The following CAMTA1 variants were observed in gnomAD, a reference collection of about 807,000 sequenced individuals.
The protein encoded by CAMTA1 is calmodulin binding transcription activator 1, also known as calmodulin-binding transcription activator 1.
A neutral mutation model predicts 170.9 loss-of-function variants in CAMTA1; 27 were observed. The ratio of observed to expected loss-of-function variants is 0.16; its 90% confidence interval spans 0.12 to 0.22. The LOEUF is 0.22. CAMTA1 is among the 10% of genes least tolerant of loss of function. The pLI, the probability that CAMTA1 is intolerant of heterozygous loss-of-function variation, is 1.00. For missense variants in CAMTA1, 1,619 were observed against 2,217.2 expected (o/e 0.73, Z 5.42); for synonymous variants, 833 against 891.5 (o/e 0.93, Z 1.17).
chr1:7,242,823 A>G (rs1054465090), intron 4 of CAMTA1, among the ~76,000 whole-genome samples: 4 of 151,084 alleles, frequency 2.6e-5, no homozygotes, highest in Admixed American at 2.0e-4. Context: ...TTAGCCGGGC[A>G]TGGTGGCGGG....
intron 5 of CAMTA1, among the ~76,000 whole-genome samples, chr1:7,265,788 T>C (rs1668832003): frequency 6.6e-6 from 1 of 152,238 alleles, no homozygotes. Flanking sequence ...GCCCTGGGCC[T>C]GCCCTAGACT....
At chr1:6,999,404 GAC>G (rs760638604) in intron 3 of CAMTA1, among the ~76,000 whole-genome samples, 51 of 152,162 alleles carry the variant, frequency 3.4e-4, no homozygotes, top group Non-Finnish European at 5.4e-4. Context: ...TTATTTATGA[GAC>G]AGAGTCTCAC....
rs190169487 is a variant in CAMTA1 at position 7,350,198 on chromosome 1, C to T, written c.438+100572C>T. Among the ~76,000 whole-genome samples the T allele has an allele frequency of 1.8e-3, 269 of 152,284 alleles. 1 individual carries two copies. Among genetic ancestry groups the T allele is most frequent in the Non-Finnish European group, 3.1e-3 (210 of 68,010 alleles). ...ATCCCAGCACCCATCCCCTGCCTCC[C>T]ACCTGTGTCCCCCACACTGAGCACC... On this transcript the variant is annotated intron_variant, in intron 5 of 22. Transcript: ENST00000303635.
chr1:7,372,721 C>T (rs2086569879), intron 5 of CAMTA1, among the ~76,000 whole-genome samples: 2 of 152,188 alleles, frequency 1.3e-5, no homozygotes, highest in African/African-American at 4.8e-5. Context: ...AGCCTTGGAG[C>T]CCCATGTGCT....
chr1:6,960,432 C>T (rs750067753), intron 3 of CAMTA1, among the ~76,000 whole-genome samples: 4 of 152,096 alleles, frequency 2.6e-5, no homozygotes, highest in Non-Finnish European at 5.9e-5. Context: ...GGGCCGACTG[C>T]CCCTCCTCCC....
At chr1:7,442,874 C>G (rs990709196) in intron 5 of CAMTA1, among the ~76,000 whole-genome samples, 2 of 152,148 alleles carry the variant, frequency 1.3e-5, no homozygotes, top group Admixed American at 1.3e-4. Context: ...GTCCCTGCCC[C>G]CAGAGCTGGT....
At chr1:6,858,490 G>GT (rs1167862905) in intron 3 of CAMTA1, among the ~76,000 whole-genome samples, 1 of 146,792 alleles carries the variant, frequency 6.8e-6, no homozygotes, top group Admixed American at 6.8e-5. Flanking sequence ...GTGTGTTGGG[G>GT]GGGGGGTGTT....
At chr1:6,885,090 C>T (rs1330631504) in intron 3 of CAMTA1, among the ~76,000 whole-genome samples, 2 of 152,122 alleles carry the variant, frequency 1.3e-5, no homozygotes, top group Non-Finnish European at 2.9e-5. Context: ...ACATTAATGG[C>T]TTTCTTGTAA....
At chr1:7,292,126 A>G (rs1673226893) in intron 5 of CAMTA1, among the ~76,000 whole-genome samples, 1 of 152,208 alleles carries the variant, frequency 6.6e-6, no homozygotes, top group South Asian at 2.1e-4. Context: ...TGGAGATCTA[A>G]GGACTGGTGG....
intron 5 of CAMTA1, among the ~76,000 whole-genome samples, chr1:7,347,362 A>G (rs904978609): frequency 5.9e-5 from 9 of 152,190 alleles, no homozygotes; most frequent in South Asian, 2.1e-4. Context: ...GTGCCCAGGC[A>G]GCTCCAGAGC....
chr1:6,880,578 C>G (rs1671284677), intron 3 of CAMTA1, among the ~76,000 whole-genome samples: 1 of 151,994 alleles, frequency 6.6e-6, no homozygotes, highest in Non-Finnish European at 1.5e-5. Flanking sequence ...TTTGTAGAGA[C>G]AGGGTTTCAC....
intron 5 of CAMTA1, among the ~76,000 whole-genome samples, chr1:7,452,504 A>G (rs1322859877): frequency 2.0e-5 from 3 of 152,220 alleles, no homozygotes; most frequent in Non-Finnish European, 4.4e-5. Context: ...GGAAACTCCC[A>G]ATGCATTAGC....
chr1:7,538,660 CA>C (rs201637267), intron 6 of CAMTA1, among the ~76,000 whole-genome samples: 4 of 151,050 alleles, frequency 2.6e-5, no homozygotes, highest in South Asian at 2.1e-4. Context: ...TGTCTCTCAA[CA>C]AAAAAAAATG....
chr1:7,738,467 C>T lies in CAMTA1; in HGVS notation c.4167C>T (p.Pro1389=). 2 of 1,613,692 alleles carry T rather than the reference C, an allele frequency of 1.2e-6. No individual in the cohort carries two copies. The highest frequency in any genetic ancestry group is 1.7e-6 in the Non-Finnish European group (2 of 1,179,724). The change falls in exon 16 of 23, where the codon CCC becomes CCT. Residue 1389 remains proline, a synonymous_variant. Transcript: ENST00000303635. The surrounding 1 kb of genome is among the most constrained non-coding windows in gnomAD (Gnocchi z 4.9). ...CAGAAAATGAAGAATGCGGCCAGCC[C>T]ATGGATGACATACAGGTAAAAAGCA... ...DSAENEECGQ[P]MDDIQVNMMT...
intron 3 of CAMTA1, among the ~76,000 whole-genome samples, chr1:6,928,294 C>T (rs971255217): frequency 6.6e-6 from 1 of 152,188 alleles, no homozygotes; most frequent in Non-Finnish European, 1.5e-5. Flanking sequence ...GTGCCCTCTG[C>T]CTGAAGTACT....
At chr1:6,935,849 G>A (rs1186876884) in intron 3 of CAMTA1, among the ~76,000 whole-genome samples, 1 of 152,164 alleles carries the variant, frequency 6.6e-6, no homozygotes, top group African/African-American at 2.4e-5. Flanking sequence ...AGTCCCTGGT[G>A]GACCGTCTCC....
At chr1:7,761,353 G>A (rs1461975086) in intron 22 of CAMTA1, among the ~76,000 whole-genome samples, 2 of 152,168 alleles carry the variant, frequency 1.3e-5, no homozygotes, top group South Asian at 2.1e-4. Context: ...GTCCTGCATT[G>A]CCTCTATGAG....
chr1:7,135,519 C>T (rs935611648), intron 4 of CAMTA1, among the ~76,000 whole-genome samples: 1 of 152,274 alleles, frequency 6.6e-6, no homozygotes. Flanking sequence ...GTTTGGAGAC[C>T]TCTTACACTC....
At chr1:7,750,483 A>G (rs2066293) in intron 19 of CAMTA1, among the ~76,000 whole-genome samples, 103,893 of 152,140 alleles carry the variant, frequency 0.68, 35,867 homozygotes, top group Middle Eastern at 0.78. Flanking sequence ...CTGTATTTTT[A>G]GTGCCTAGAG....
Sources: gnomAD v4.1 joint callset for allele counts (sites outside exome capture counted in the v4.1 genomes callset) on GRCh38, gnomAD v4.1.1 for gene constraint, Gnocchi (gnomAD v3.1) non-coding constraint, MANE v1.5 for transcripts, NCBI Gene and HGNC (gene_info 2026-07-23, HGNC 2026-07-21) for gene names.